The following NELL1 variants were observed in gnomAD, a reference collection of about 807,000 sequenced individuals.
NELL1 encodes the protein neural EGFL like 1, also known as protein kinase C-binding protein NELL1.
Under a neutral mutation model 107.4 loss-of-function variants are expected in NELL1, and 76 were observed. The ratio of observed to expected loss-of-function variants is 0.71; its 90% CI spans 0.59 to 0.86. The LOEUF (loss-of-function observed/expected upper bound fraction) is 0.86, where lower values mean the gene tolerates loss of function less well. NELL1 is among the 40% of genes least tolerant of loss of function. NELL1 has a pLI of 0.00. For missense variants in NELL1, 1,024 were observed against 1,005.5 expected (o/e 1.02, Z -0.25); for synonymous variants, 353 against 341.2 (o/e 1.03, Z -0.38).
intron 13 of NELL1, among the ~76,000 whole-genome samples, chr11:21,194,766 G>A (rs1227721421): frequency 6.6e-6 from 1 of 152,084 alleles, no homozygotes; most frequent in East Asian, 1.9e-4. Context: ...CCACTGATTT[G>A]ATCAACTTTC....
chr11:20,859,038 C>T (rs1848931576), intron 4 of NELL1, among the ~76,000 whole-genome samples: 1 of 152,234 alleles, frequency 6.6e-6, no homozygotes, highest in Admixed American at 6.5e-5. Context: ...CTGTTAGTAC[C>T]TGTGCCTGCT....
At chr11:21,168,386 T>A (rs1565093307) in intron 13 of NELL1, among the ~76,000 whole-genome samples, 2 of 151,928 alleles carry the variant, frequency 1.3e-5, no homozygotes, top group Non-Finnish European at 2.9e-5. Flanking sequence ...GCTAGGTGTA[T>A]TCCTTGGAAT....
rs148095306 is a variant in NELL1, at chr11:21,111,343, T to C, written c.1301-2246T>C. On this transcript the variant is annotated intron_variant, in intron 12 of 19. Coordinates refer to ENST00000357134, the MANE Select transcript of NELL1 (RefSeq NM_006157.5). ...CTAAATGATGCTTTCCATTTCTAAC[T>C]TGACAGACAAAAACTTTAGCCTCTA... Among the ~76,000 whole-genome samples the C allele has an allele frequency of 1.8e-3, 279 of 152,236 alleles. 1 individual carries two copies. Among genetic ancestry groups the C allele is most frequent in the African/African-American group, 6.4e-3 (266 of 41,558 alleles).
At chr11:21,424,886 CA>C (rs1305232459) in intron 15 of NELL1, among the ~76,000 whole-genome samples, 1 of 152,066 alleles carries the variant, frequency 6.6e-6, no homozygotes, top group Non-Finnish European at 1.5e-5. Context: ...ATGACAAAAT[CA>C]AGCTTTTCCA....
intron 13 of NELL1, among the ~76,000 whole-genome samples, chr11:21,209,961 T>A (rs1331708053): frequency 6.6e-6 from 1 of 152,150 alleles, no homozygotes; most frequent in Non-Finnish European, 1.5e-5. Context: ...ATTCTGGACA[T>A]TTTATATAAA....
At chr11:20,857,099 C>A (rs1366587271) in intron 4 of NELL1, among the ~76,000 whole-genome samples, 1 of 152,140 alleles carries the variant, frequency 6.6e-6, no homozygotes, top group Non-Finnish European at 1.5e-5. Context: ...CCTGCTGATG[C>A]TGTGCATACA....
chr11:21,471,472 CATG>C lies in NELL1; in HGVS notation c.1646-62899_1646-62897del, dbSNP rs572117841. 2.6e-5 allele frequency among the ~76,000 whole-genome samples: 4 copies of C among 152,070 alleles called. No homozygotes were observed. In the South Asian group the frequency reaches 8.3e-4, roughly 32 times the overall value. The stretch of plus-strand genomic sequence containing the variant: ...AATTTTTGTAAATAAATGTCAGCAG[CATG>C]ATATTTTCTTTAAATGATAGAGACT... On this transcript the variant is annotated intron_variant, in intron 15 of 19. Transcript: ENST00000357134.
At chr11:21,130,853 T>C (rs1404225725) in intron 13 of NELL1, among the ~76,000 whole-genome samples, 1 of 152,106 alleles carries the variant, frequency 6.6e-6, no homozygotes, top group East Asian at 1.9e-4. Flanking sequence ...GAGGACTGCA[T>C]GTATGAAATG....
intron 17 of NELL1, among the ~76,000 whole-genome samples, chr11:21,563,027 T>C (rs1200774525): frequency 6.6e-6 from 1 of 152,014 alleles, no homozygotes; most frequent in Non-Finnish European, 1.5e-5. Context: ...AGTGACAATG[T>C]TTTTGTGCAT....
chr11:20,895,596 C>T (rs1254791314), intron 5 of NELL1, among the ~76,000 whole-genome samples: 4 of 151,474 alleles, frequency 2.6e-5, no homozygotes, highest in African/African-American at 9.7e-5. Context: ...ACCTCCGCCC[C>T]TCCAGGTTTA....
intron 13 of NELL1, among the ~76,000 whole-genome samples, chr11:21,161,161 G>A (rs530184122): frequency 2.0e-5 from 3 of 152,192 alleles, no homozygotes; most frequent in African/African-American, 7.2e-5. Context: ...TCTGCTTTCT[G>A]ACCCTCTGTG....
chr11:20,930,132 T>C (rs1279807924), intron 9 of NELL1, among the ~76,000 whole-genome samples: 2 of 152,186 alleles, frequency 1.3e-5, no homozygotes, highest in Non-Finnish European at 2.9e-5. Context: ...GGTTTGTGTC[T>C]TAACTTTTTG....
intron 17 of NELL1, among the ~76,000 whole-genome samples, chr11:21,564,832 G>A (rs544849881): frequency 2.8e-4 from 42 of 152,000 alleles, no homozygotes; most frequent in African/African-American, 9.6e-4. Context: ...CCTTTTTCAT[G>A]AGATTGTCTG....
At chr11:20,711,100 C>G (rs1238577899) in intron 2 of NELL1, among the ~76,000 whole-genome samples, 1 of 151,376 alleles carries the variant, frequency 6.6e-6, no homozygotes, top group African/African-American at 2.4e-5. Context: ...TCTCTAGTTC[C>G]CTGGGGTGTG....
Position 20,897,853 on chromosome 11 carries a change from C to G in NELL1, c.603+12313C>G, listed in dbSNP as rs938332037. On this transcript the variant is annotated intron_variant, in intron 5 of 19. Coordinates refer to ENST00000357134, the MANE Select transcript of NELL1 (RefSeq NM_006157.5). ...CCCTGGCCATCAGAGAAATGCAAAT[C>G]AAAACCACAATGAGATACCATCTCA... 3.9e-5 allele frequency among the ~76,000 whole-genome samples: 6 copies of G among 152,162 alleles called. 1 individual carries two copies. The highest frequency in any genetic ancestry group is 1.4e-4 in the African/African-American group (6 of 41,428).
At chr11:21,479,361 A>G (rs561563721) in intron 15 of NELL1, among the ~76,000 whole-genome samples, 1 of 152,306 alleles carries the variant, frequency 6.6e-6, no homozygotes, top group South Asian at 2.1e-4. Flanking sequence ...CAGCCATAAA[A>G]AAAAGTAATA....
chr11:21,135,903 A>G (rs1225462719), intron 13 of NELL1, among the ~76,000 whole-genome samples: 2 of 152,186 alleles, frequency 1.3e-5, no homozygotes, highest in Non-Finnish European at 2.9e-5. Flanking sequence ...TCACTTTCAT[A>G]TCTGAAACTG....
chr11:21,337,748 CTTT>C (rs1850445135), intron 14 of NELL1, among the ~76,000 whole-genome samples: 5 of 122,254 alleles, frequency 4.1e-5, no homozygotes, highest in African/African-American at 1.8e-4. Context: ...TTCTTTCTTT[CTTT>C]CTTTCTTTCT....
chr11:21,518,618 A>G (rs996707013), intron 15 of NELL1, among the ~76,000 whole-genome samples: 18 of 152,234 alleles, frequency 1.2e-4, no homozygotes, highest in Admixed American at 3.3e-4. Flanking sequence ...TAAGGATTAG[A>G]TATAATGGCA....
Sources: allele counts gnomAD v4.1 joint callset (sites outside exome capture counted in the v4.1 genomes callset), GRCh38; gene constraint gnomAD v4.1.1; transcripts MANE v1.5; gene names NCBI Gene and HGNC (gene_info 2026-07-23, HGNC 2026-07-21).